SLC16A12: variants seen among roughly 807,000 people sequenced by gnomAD.
SLC16A12 encodes the protein solute carrier family 16 member 12.
Under a neutral mutation model 42.4 loss-of-function variants are expected in SLC16A12, and 17 were observed. That is an observed-to-expected ratio of 0.40 (90% CI 0.27 to 0.60). SLC16A12 has a LOEUF of 0.60. Ranked by LOEUF, SLC16A12 falls within the 20% of genes least tolerant of loss-of-function variation. The pLI is 0.42. For synonymous variants in SLC16A12, 224 were observed against 229.4 expected (o/e 0.98, Z 0.21); for missense variants, 544 against 623.0 (o/e 0.87, Z 1.35).
intron 2 of SLC16A12, among the ~76,000 whole-genome samples, chr10:89,486,655 G>A (rs1316516749): frequency 6.2e-5 from 3 of 48,742 alleles, no homozygotes; most frequent in Non-Finnish European, 8.4e-5. Context: ...AAGAAAGAAA[G>A]AAAGAAAGAA....
chr10:89,471,297 G>T (rs1842489952), intron 2 of SLC16A12, among the ~76,000 whole-genome samples: 1 of 152,134 alleles, frequency 6.6e-6, no homozygotes, highest in Non-Finnish European at 1.5e-5. Flanking sequence ...CCACTGATTT[G>T]CTTTCTGTCA....
intron 2 of SLC16A12, among the ~76,000 whole-genome samples, chr10:89,475,472 G>T (rs1842563538): frequency 6.6e-6 from 1 of 152,150 alleles, no homozygotes; most frequent in Non-Finnish European, 1.5e-5. Flanking sequence ...ACTGGAAATT[G>T]ATTTATTTAT....
At position 89,432,000 on chromosome 10, in the gene SLC16A12, C is replaced by T. The variant is rs1236241933; in HGVS notation, c.*1064G>A. On this transcript the variant is annotated 3_prime_UTR_variant, in exon 8 of 8. Coordinates refer to ENST00000371790, the MANE Select transcript of SLC16A12 (RefSeq NM_213606.4). ...AGGATAATATTTTTCAGACAACTGACTCCCTCCAATCCTCTTTTGGGTAAT... is the reference window on the plus strand; with the variant it reads ...AGGATAATATTTTTCAGACAACTGATTCCCTCCAATCCTCTTTTGGGTAAT... 1 of 152,536 alleles carries T rather than the reference C, an allele frequency of 6.6e-6. No individual in the cohort carries two copies. The highest frequency in any genetic ancestry group is 1.5e-5 in the Non-Finnish European group (1 of 68,030). The allele number at this position is 152,536 out of a possible 1,614,324, so 9.4% of individuals were successfully genotyped here.
At chr10:89,544,591 T>C (rs1685610957) in intron 2 of SLC16A12, among the ~76,000 whole-genome samples, 1 of 152,232 alleles carries the variant, frequency 6.6e-6, no homozygotes, top group Non-Finnish European at 1.5e-5. Context: ...ATTATTTAAT[T>C]TTCATAATAT....
intron 2 of SLC16A12, among the ~76,000 whole-genome samples, chr10:89,474,736 T>C (rs1237291152): frequency 6.6e-6 from 1 of 152,156 alleles, no homozygotes; most frequent in Non-Finnish European, 1.5e-5. Flanking sequence ...GTAACAATGA[T>C]TATTACTATT....
chr10:89,493,108 T>C (rs1195543966), intron 2 of SLC16A12, among the ~76,000 whole-genome samples: 1 of 151,806 alleles, frequency 6.6e-6, no homozygotes, highest in Non-Finnish European at 1.5e-5. Flanking sequence ...TAGGAAAGAG[T>C]TCAAGAAATA....
At position 89,515,103 on chromosome 10, in the gene SLC16A12, G is replaced by A. The variant is rs7098275; in HGVS notation, c.-47+19398C>T. 4.1e-3 allele frequency among the ~76,000 whole-genome samples: 570 copies of A among 140,168 alleles called. 3 individuals are homozygous for A. The highest frequency in any genetic ancestry group is 0.014 in the African/African-American group (517 of 36,528). 92.0% of individuals were successfully genotyped at this position (140,168 alleles called of 152,430 possible). A position where few individuals can be genotyped will look rare whatever the true frequency, so the allele number is the denominator to read the frequency against. ...CAAGACTTCATCTCAAAAAAAAGAA[G>A]CAAAACAAAACAAAACAAAACAAAA... On this transcript the variant is annotated intron_variant, in intron 2 of 7. Coordinates refer to ENST00000371790, the MANE Select transcript of SLC16A12 (RefSeq NM_213606.4).
At chr10:89,556,568 G>C (rs532807265) in exon 1 of SLC16A12, 1 of 152,246 alleles carries the variant, frequency 6.6e-6, no homozygotes, top group South Asian at 2.1e-4. Flanking sequence ...CCCCAAGGCA[G>C]GAACTTTTTC....
Position 89,433,129 on chromosome 10 carries a change from T to C in SLC16A12, c.1486A>G (p.Arg496Gly), listed in dbSNP as rs775480404. The C allele has an allele frequency of 1.6e-4, 259 of 1,614,088 alleles. No individual in the cohort carries two copies. Among genetic ancestry groups the C allele is most frequent in the Admixed American group, 2.8e-4 (17 of 60,006 alleles). The change falls in exon 8 of 8, where the codon AGA becomes GGA. Residue 496 changes from arginine to glycine, a missense_variant. Arg to Gly is a moderately radical substitution (Grantham distance 125). Transcript: ENST00000371790. ...TCCCCATGTTTCTGATCTAATTCTCTTGCCACAGAATAAGCCACTGATCCA... is the reference window on the plus strand; with the variant it reads ...TCCCCATGTTTCTGATCTAATTCTCCTGCCACAGAATAAGCCACTGATCCA... ...TNGSVAYSVARELDQKHGEPV... is the reference protein window; with the variant it reads ...TNGSVAYSVAGELDQKHGEPV...
intron 3 of SLC16A12, among the ~76,000 whole-genome samples, chr10:89,446,075 T>TA (rs1399770357): frequency 6.6e-6 from 1 of 152,002 alleles, no homozygotes; most frequent in African/African-American, 2.4e-5. Flanking sequence ...TAAAAAGAAA[T>TA]GAACAAAGCC....
At position 89,462,806 on chromosome 10, in the gene SLC16A12, T is replaced by C. The variant is rs1023656761; in HGVS notation, c.-46-182A>G. Reference sequence around the variant, plus strand: ...CATGCTTTCTTTTTTAAAAATAAAATAGAACCTCTCAAATTGTAGTCAAAT... The same window carrying C: ...CATGCTTTCTTTTTTAAAAATAAAACAGAACCTCTCAAATTGTAGTCAAAT... On this transcript the variant is annotated intron_variant, in intron 2 of 7. Transcript: ENST00000371790. The C allele has an allele frequency of 9.7e-6, 6 of 618,684 alleles. No individual in the cohort carries two copies. The East Asian group carries it at 9.8e-5, about 10-fold the overall frequency. 38.3% of individuals were successfully genotyped at this position (618,684 alleles called of 1,614,324 possible).
At chr10:89,542,306 C>CTTTTTTTTTTT (rs200847363) in intron 2 of SLC16A12, among the ~76,000 whole-genome samples, 16 of 137,012 alleles carry the variant, frequency 1.2e-4, no homozygotes, top group African/African-American at 1.1e-4. Context: ...CTTTTTTTTT[C>CTTTTTTTTTTT]TTTTTTTTTT....
At chr10:89,505,576 G>T (rs1176688640) in intron 2 of SLC16A12, among the ~76,000 whole-genome samples, 1 of 152,132 alleles carries the variant, frequency 6.6e-6, no homozygotes, top group African/African-American at 2.4e-5. Context: ...GGACTGATTG[G>T]ACAGTGGGTG....
At chr10:89,444,642 G>T (rs183571572) in intron 3 of SLC16A12, among the ~76,000 whole-genome samples, 81 of 152,304 alleles carry the variant, frequency 5.3e-4, no homozygotes, top group Admixed American at 4.1e-3. Flanking sequence ...AAATTTCCTG[G>T]ATGGCCGAAT....
chr10:89,440,679 T>G (rs1174328863), intron 5 of SLC16A12, among the ~76,000 whole-genome samples: 1 of 143,442 alleles, frequency 7.0e-6, no homozygotes, highest in East Asian at 1.9e-4. Flanking sequence ...AATAAAGGGT[T>G]TTTTAAAATT....
intron 2 of SLC16A12, among the ~76,000 whole-genome samples, chr10:89,531,793 A>G (rs1343070785): frequency 2.0e-5 from 3 of 152,242 alleles, no homozygotes; most frequent in Non-Finnish European, 2.9e-5. Flanking sequence ...CTCTGCCTCT[A>G]TAAAAGCTTT....
At chr10:89,507,322 G>A (rs1843079838) in intron 2 of SLC16A12, among the ~76,000 whole-genome samples, 2 of 152,182 alleles carry the variant, frequency 1.3e-5, no homozygotes, top group Admixed American at 1.3e-4. Flanking sequence ...GGCAGCCAGA[G>A]AGAAAGGTCG....
intron 2 of SLC16A12, among the ~76,000 whole-genome samples, chr10:89,516,810 TATTTCC>T (rs964069053): frequency 3.3e-5 from 5 of 152,228 alleles, no homozygotes; most frequent in Admixed American, 3.3e-4. Flanking sequence ...GCCCTACTGA[TATTTCC>T]AGTAAGGGCC....
chr10:89,510,305 G>A (rs1843143286), intron 2 of SLC16A12, among the ~76,000 whole-genome samples: 1 of 152,092 alleles, frequency 6.6e-6, no homozygotes, highest in Non-Finnish European at 1.5e-5. Context: ...GAATAAAGCT[G>A]GAGGCATCCT....
Sources: allele counts gnomAD v4.1 joint callset (sites outside exome capture counted in the v4.1 genomes callset), GRCh38; gene constraint gnomAD v4.1.1; transcripts MANE v1.5; gene names NCBI Gene and HGNC (gene_info 2026-07-23, HGNC 2026-07-21).